INPP5F: variants seen among roughly 807,000 people sequenced by gnomAD.
INPP5F encodes the protein phosphatidylinositide 4-phosphatase SAC2.
In INPP5F, 97 loss-of-function variants were observed where a neutral mutation model predicts 137.2. That is an observed-to-expected ratio of 0.71 (90% CI 0.60 to 0.84). INPP5F has a LOEUF of 0.84. Ranked by LOEUF, INPP5F falls within the 40% of genes least tolerant of loss-of-function variation. The pLI is 0.00. For synonymous variants in INPP5F, 504 were observed against 476.9 expected (o/e 1.06, Z -0.74); for missense variants, 1,271 against 1,371.9 (o/e 0.93, Z 1.16).
chr10:119,738,065 G>GAT (rs1848266069), intron 1 of INPP5F, among the ~76,000 whole-genome samples: 1 of 152,164 alleles, frequency 6.6e-6, no homozygotes, highest in African/African-American at 2.4e-5. Flanking sequence ...TGTTTTCTGT[G>GAT]TACCAGGAAG....
At chr10:119,756,656 C>CA (rs1430124772) in intron 2 of INPP5F, among the ~76,000 whole-genome samples, 1 of 151,600 alleles carries the variant, frequency 6.6e-6, no homozygotes, top group Non-Finnish European at 1.5e-5. Context: ...CAAAACAAAA[C>CA]AAAAAAATAG....
At chr10:119,743,873 T>TA (rs1256577350) in intron 1 of INPP5F, among the ~76,000 whole-genome samples, 2 of 152,208 alleles carry the variant, frequency 1.3e-5, no homozygotes, top group Non-Finnish European at 2.9e-5. Flanking sequence ...AACCAGTTAT[T>TA]ACGTCCTGAT....
intron 1 of INPP5F, among the ~76,000 whole-genome samples, chr10:119,729,821 G>A (rs1417914094): frequency 1.3e-5 from 2 of 150,096 alleles, no homozygotes; most frequent in African/African-American, 2.5e-5. Flanking sequence ...CTGGGCTCAA[G>A]CGATCCTCCC....
chr10:119,796,730 T>G lies in INPP5F; in HGVS notation c.685T>G (p.Phe229Val). ...LTEIGTPDVD[F>V]WIIPMIQGFV... ...TTGTTTTCAGACTCCAGATGTGGAC[T>G]TTTGGATTATCCCCATGATCCAAGG... The change falls in exon 7 of 20, where the codon TTT becomes GTT. Residue 229 changes from phenylalanine to valine, a missense_variant. Physicochemically the swap from Phe to Val is conservative, Grantham distance 50. This residue lies in a region of INPP5F where 593 missense variants were observed against 712.4 expected (regional missense o/e 0.83). Coordinates refer to ENST00000650623, the MANE Select transcript of INPP5F (RefSeq NM_014937.4). The G allele has an allele frequency of 6.2e-7, 1 of 1,613,666 alleles. No homozygotes were observed. The highest frequency in any genetic ancestry group is 2.2e-5 in the East Asian group (1 of 44,880).
At chr10:119,820,960 A>C (rs1036692146) in intron 16 of INPP5F, 43 bp downstream of exon 16, 1 of 1,227,952 alleles carries the variant, frequency 8.1e-7, no homozygotes, top group Admixed American at 1.8e-5. Context: ...TTGTTTTTTA[A>C]ACTTGAGTAA....
At chr10:119,775,343 G>A (rs1026691906) in intron 2 of INPP5F, among the ~76,000 whole-genome samples, 2 of 152,104 alleles carry the variant, frequency 1.3e-5, no homozygotes, top group Admixed American at 6.5e-5. Flanking sequence ...CTGCAGCCTC[G>A]ACCTCTCTCG....
chr10:119,785,575 A>AGAGAGAGAGACTGAGAGACT (rs1435677238), intron 3 of INPP5F, among the ~76,000 whole-genome samples: 2 of 150,450 alleles, frequency 1.3e-5, no homozygotes, highest in African/African-American at 4.9e-5. Context: ...AGAGAGAGAG[A>AGAGAGAGAGACTGAGAGACT]GAGACTGAGA....
chr10:119,773,629 C>T (rs1849431521), intron 2 of INPP5F, among the ~76,000 whole-genome samples: 1 of 152,160 alleles, frequency 6.6e-6, no homozygotes, highest in Non-Finnish European at 1.5e-5. Flanking sequence ...TCTGGCTTCT[C>T]TATTCTAGTG....
intron 3 of INPP5F, among the ~76,000 whole-genome samples, chr10:119,790,055 T>TGGGGTGG (rs1850082952): frequency 9.0e-5 from 3 of 33,156 alleles, no homozygotes; most frequent in Non-Finnish European, 1.8e-4. Flanking sequence ...AATCGGGGGG[T>TGGGGTGG]GGGGTGGGGG....
intron 3 of INPP5F, among the ~76,000 whole-genome samples, chr10:119,785,296 T>TTTTTTTTTTTTTTTTTTTTTTG (rs1849852419): frequency 1.4e-5 from 2 of 145,598 alleles, no homozygotes; most frequent in African/African-American, 5.1e-5. Flanking sequence ...GTTTTTTTTT[T>TTTTTTTTTTTTTTTTTTTTTTG]TTTTTTGGAG....
intron 3 of INPP5F, among the ~76,000 whole-genome samples, chr10:119,784,772 C>T (rs912795231): frequency 1.3e-5 from 2 of 152,214 alleles, no homozygotes; most frequent in African/African-American, 2.4e-5. Context: ...TATTCAGAGT[C>T]ATGTGGTTAT....
At chr10:119,749,893 C>T (rs950677291) in intron 1 of INPP5F, among the ~76,000 whole-genome samples, 2 of 152,212 alleles carry the variant, frequency 1.3e-5, no homozygotes, top group Non-Finnish European at 2.9e-5. Flanking sequence ...ATTCTCCTGC[C>T]TCAGCCTCCT....
In INPP5F at chr10:119,755,804, T is replaced by A. The variant is rs573851742; in HGVS notation, c.178+4648T>A. On this transcript the variant is annotated intron_variant, in intron 2 of 19. Coordinates refer to ENST00000650623, the MANE Select transcript of INPP5F (RefSeq NM_014937.4). ...CCATCTATAAGACAAAGCTCATGGT[T>A]CCTTGACACAGTTATTGCGAAGATT... Among the ~76,000 whole-genome samples the A allele has an allele frequency of 3.9e-5, 6 of 152,314 alleles. No individual in the cohort carries two copies. In the South Asian group the frequency reaches 1.2e-3, roughly 32 times the overall value.
rs570068388 is a variant in INPP5F, at chr10:119,806,254, A to G, written c.1320-106A>G. Reference sequence around the variant, plus strand: ...ATAGCATATAAAGATACACCAAGCAAATTACAGCCAGTGCTGCTGTTTTAT... The same window carrying G: ...ATAGCATATAAAGATACACCAAGCAGATTACAGCCAGTGCTGCTGTTTTAT... On this transcript the variant is annotated intron_variant, in intron 11 of 19. Coordinates refer to ENST00000650623, the MANE Select transcript of INPP5F (RefSeq NM_014937.4). The G allele has an allele frequency of 7.1e-5, 53 of 742,482 alleles. No individual in the cohort carries two copies. The African/African-American group carries it at 9.0e-4, about 13-fold the overall frequency. The allele number at this position is 742,482 out of a possible 1,614,324, so 46.0% of individuals were successfully genotyped here.
At position 119,726,143 on chromosome 10, in the gene INPP5F, C is replaced by T; in HGVS notation, c.-120C>T. 6.0e-6 allele frequency: 3 copies of T among 503,738 alleles called. No individual in the cohort carries two copies. In the South Asian group the frequency reaches 1.5e-4, roughly 24 times the overall value. 31.2% of individuals were successfully genotyped at this position (503,738 alleles called of 1,614,324 possible). ...CCCCGGGGCGTTCCCTCTGCCGCTG[C>T]TTCTCGGCGCGGTTCCTACCCGGCC... On this transcript the variant is annotated 5_prime_UTR_variant, in exon 1 of 20. Coordinates refer to ENST00000650623, the MANE Select transcript of INPP5F (RefSeq NM_014937.4).
intron 2 of INPP5F, among the ~76,000 whole-genome samples, chr10:119,770,091 C>T (rs982989694): frequency 6.6e-6 from 1 of 152,002 alleles, no homozygotes; most frequent in Non-Finnish European, 1.5e-5. Flanking sequence ...TTTAGCTTGC[C>T]CTACTGGTCA....
Position 119,792,080 on chromosome 10 carries a change from A to C in INPP5F, c.612+44A>C, listed in dbSNP as rs756425949. The C allele has an allele frequency of 1.8e-5, 29 of 1,614,050 alleles. No homozygotes were observed. In the African/African-American group the frequency reaches 3.5e-4, roughly 19 times the overall value. On this transcript the variant is annotated intron_variant, in intron 5 of 19. Coordinates refer to ENST00000650623, the MANE Select transcript of INPP5F (RefSeq NM_014937.4). Reference sequence around the variant, plus strand: ...AGAGCAGGGTTTGCACTTGGGAAGAAGTGATGGCCTGTTTTGGCTTTTGTA... The same window carrying C: ...AGAGCAGGGTTTGCACTTGGGAAGACGTGATGGCCTGTTTTGGCTTTTGTA...
intron 2 of INPP5F, among the ~76,000 whole-genome samples, chr10:119,759,648 G>A (rs192618962): frequency 3.3e-5 from 5 of 152,196 alleles, no homozygotes; most frequent in Admixed American, 2.0e-4. Flanking sequence ...GAGTCACCAC[G>A]CCTGGCCTAG....
chr10:119,799,558 A>C (rs1850509967), intron 9 of INPP5F, among the ~76,000 whole-genome samples: 1 of 152,216 alleles, frequency 6.6e-6, no homozygotes, highest in Non-Finnish European at 1.5e-5. Flanking sequence ...CAAATTGAAA[A>C]AAAATATGAG....
Sources: gnomAD v4.1 joint callset for allele counts (sites outside exome capture counted in the v4.1 genomes callset) on GRCh38, gnomAD v4.1.1 for gene constraint, gnomAD v4.1.1 regional missense constraint, MANE v1.5 for transcripts, NCBI Gene and HGNC (gene_info 2026-07-23, HGNC 2026-07-21) for gene names.